Variants in CALN1 observed in about 807,000 individuals in gnomAD.
CALN1 encodes calcium-binding protein 8.
Under a neutral mutation model 30.6 loss-of-function variants are expected in CALN1, and 17 were observed. That is an observed-to-expected ratio of 0.56 (90% CI 0.38 to 0.83). The LOEUF is 0.83. CALN1 is among the 40% of genes least tolerant of loss of function. The probability of loss-of-function intolerance (pLI) is 0.00; values close to 1 mark genes in which losing one functional copy is unlikely to be tolerated. For missense variants in CALN1, 291 were observed against 354.9 expected (o/e 0.82, Z 1.45); for synonymous variants, 156 against 131.4 (o/e 1.19, Z -1.28).
intron 2 of CALN1, among the ~76,000 whole-genome samples, chr7:72,332,528 G>C (rs946663075): frequency 1.3e-5 from 2 of 151,808 alleles, no homozygotes; most frequent in African/African-American, 4.8e-5. Flanking sequence ...CTCCAAAGTT[G>C]AGTCCCACCT....
At chr7:72,243,065 C>T (rs963318134) in intron 3 of CALN1, among the ~76,000 whole-genome samples, 2 of 152,202 alleles carry the variant, frequency 1.3e-5, no homozygotes, top group Admixed American at 1.3e-4. Flanking sequence ...GGAAGTGATG[C>T]GGAGTGAATG....
chr7:71,948,208 C>T (rs995111196), intron 5 of CALN1, among the ~76,000 whole-genome samples: 2 of 147,270 alleles, frequency 1.4e-5, no homozygotes, highest in Admixed American at 6.9e-5. Flanking sequence ...GAGAAGGAGC[C>T]GCACCACCAC....
At chr7:71,978,289 T>TTTTTTTTTTTTTTTG (rs1798206768) in intron 5 of CALN1, among the ~76,000 whole-genome samples, 1 of 123,464 alleles carries the variant, frequency 8.1e-6, no homozygotes, top group African/African-American at 4.3e-5. Flanking sequence ...TTTTTTTTTT[T>TTTTTTTTTTTTTTTG]GAGGGGGAGT....
chr7:72,007,450 A>C (rs1233700223), intron 5 of CALN1, among the ~76,000 whole-genome samples: 2 of 152,130 alleles, frequency 1.3e-5, no homozygotes, highest in African/African-American at 2.4e-5. Flanking sequence ...GGGAGGCTGA[A>C]GCAGGAGAAT....
chr7:71,899,620 C>T (rs564615870), intron 5 of CALN1, among the ~76,000 whole-genome samples: 10 of 152,156 alleles, frequency 6.6e-5, no homozygotes, highest in African/African-American at 2.2e-4. Context: ...ATTTAATAAA[C>T]ATCTTGATGA....
intron 2 of CALN1, among the ~76,000 whole-genome samples, chr7:72,399,874 GATA>G (rs767531636): frequency 6.6e-6 from 1 of 152,164 alleles, no homozygotes; most frequent in African/African-American, 2.4e-5. Context: ...CCCTTCCTGT[GATA>G]ATGAGTGAGT....
chr7:72,024,260 C>G (rs1394712249), intron 4 of CALN1, among the ~76,000 whole-genome samples: 1 of 152,192 alleles, frequency 6.6e-6, no homozygotes, highest in Non-Finnish European at 1.5e-5. Flanking sequence ...GAAAATCCTT[C>G]TAAGAATTAA....
chr7:72,176,088 T>C (rs918804381), intron 3 of CALN1, among the ~76,000 whole-genome samples: 1 of 152,204 alleles, frequency 6.6e-6, no homozygotes, highest in Non-Finnish European at 1.5e-5. Flanking sequence ...TGATAAGCTC[T>C]TCCACCCTGA....
intron 2 of CALN1, among the ~76,000 whole-genome samples, chr7:72,299,128 C>T (rs1243246200): frequency 1.3e-5 from 2 of 152,096 alleles, no homozygotes; most frequent in Non-Finnish European, 2.9e-5. Flanking sequence ...CACACCAGAC[C>T]AGACAGCATA....
At chr7:72,075,421 T>G (rs920929142) in intron 4 of CALN1, among the ~76,000 whole-genome samples, 6 of 152,188 alleles carry the variant, frequency 3.9e-5, no homozygotes, top group African/African-American at 1.2e-4. Flanking sequence ...CTGGAACATC[T>G]CACCTTTTAG....
At chr7:72,278,659 T>C in intron 3 of CALN1, 27 bp downstream of exon 3, 1 of 1,592,672 alleles carries the variant, frequency 6.3e-7, no homozygotes, top group Non-Finnish European at 8.6e-7. Context: ...AGGGGGGCCA[T>C]CCCCCCAAAC....
At chr7:72,400,054 C>T (rs935448347) in intron 2 of CALN1, among the ~76,000 whole-genome samples, 1 of 152,206 alleles carries the variant, frequency 6.6e-6, no homozygotes, top group African/African-American at 2.4e-5. Flanking sequence ...CCTTCTTGTA[C>T]AGTCTGCAGA....
At chr7:72,133,143 C>T (rs549125889) in intron 3 of CALN1, among the ~76,000 whole-genome samples, 2 of 152,048 alleles carry the variant, frequency 1.3e-5, no homozygotes, top group African/African-American at 2.4e-5. Context: ...TGGAGACCAC[C>T]GAGTTCAAGC....
intron 5 of CALN1, among the ~76,000 whole-genome samples, chr7:71,980,958 G>A (rs1290799073): frequency 6.6e-6 from 1 of 152,010 alleles, no homozygotes; most frequent in Non-Finnish European, 1.5e-5. Context: ...CCAACCCTGG[G>A]GCTGACATGG....
chr7:72,284,647 G>A (rs1040413780), intron 2 of CALN1, among the ~76,000 whole-genome samples: 2 of 152,126 alleles, frequency 1.3e-5, no homozygotes, highest in African/African-American at 2.4e-5. Flanking sequence ...ACTCAGACTT[G>A]GACTGGAGCT....
At chr7:72,053,397 C>T (rs1214729334) in intron 4 of CALN1, among the ~76,000 whole-genome samples, 3 of 152,202 alleles carry the variant, frequency 2.0e-5, no homozygotes, top group African/African-American at 4.8e-5. Context: ...GGAACCACTG[C>T]ACAGAACAAC....
At chr7:72,386,744 T>C (rs911125172) in intron 2 of CALN1, among the ~76,000 whole-genome samples, 3 of 152,132 alleles carry the variant, frequency 2.0e-5, no homozygotes, top group Non-Finnish European at 2.9e-5. Flanking sequence ...CAAGAGATCC[T>C]CCTACCTCAG....
the CALN1 span, among the ~76,000 whole-genome samples, chr7:72,489,275 C>G: frequency 6.6e-6 from 1 of 152,354 alleles, no homozygotes; most frequent in African/African-American, 2.4e-5. Flanking sequence ...GATAGCTTTT[C>G]TGAATTCAAT....
the CALN1 span, among the ~76,000 whole-genome samples, chr7:72,466,825 A>C: frequency 6.7e-6 from 1 of 149,518 alleles, no homozygotes; most frequent in African/African-American, 2.5e-5. Flanking sequence ...AAGAAAAAGA[A>C]AGAAAGAGAG....
Sources: gnomAD v4.1 joint callset for allele counts (sites outside exome capture counted in the v4.1 genomes callset) on GRCh38, gnomAD v4.1.1 for gene constraint, MANE v1.5 for transcripts, NCBI Gene and HGNC (gene_info 2026-07-23, HGNC 2026-07-21) for gene names.